Variants in MCTP1 observed in about 807,000 individuals in gnomAD.
The protein encoded by MCTP1 is multiple C2 and transmembrane domain containing 1, also known as multiple C2 and transmembrane domain-containing protein 1.
Under a neutral mutation model 120.6 loss-of-function variants are expected in MCTP1, and 69 were observed. The ratio of observed to expected loss-of-function variants is 0.57; its 90% CI spans 0.47 to 0.70. The LOEUF is 0.70. Ranked by LOEUF, MCTP1 falls within the 30% of genes least tolerant of loss-of-function variation. MCTP1 has a pLI of 0.00. For missense variants in MCTP1, 1,203 were observed against 1,248.8 expected, an observed-to-expected ratio of 0.96 and a Z score of 0.55; for synonymous variants, 529 against 493.1, an observed-to-expected ratio of 1.07 and a Z score of -0.96.
intron 17 of MCTP1, among the ~76,000 whole-genome samples, chr5:94,801,746 T>C (rs1781283837): frequency 6.6e-6 from 1 of 152,192 alleles, no homozygotes; most frequent in Non-Finnish European, 1.5e-5. Flanking sequence ...TGTCCATGGA[T>C]TGGTGTTAGC....
intron 18 of MCTP1, among the ~76,000 whole-genome samples, chr5:94,795,284 C>T (rs567598041): frequency 2.6e-5 from 4 of 152,226 alleles, no homozygotes; most frequent in African/African-American, 9.6e-5. Flanking sequence ...GCAGGTCACT[C>T]GACTTAGGAG....
chr5:94,722,043 G>A (rs1216498387), intron 19 of MCTP1, among the ~76,000 whole-genome samples: 2 of 152,050 alleles, frequency 1.3e-5, no homozygotes, highest in African/African-American at 2.4e-5. Context: ...AACTGTAAAA[G>A]TTGAAGTACA....
chr5:95,221,032 A>T (rs1000196940), intron 1 of MCTP1, among the ~76,000 whole-genome samples: 1 of 152,234 alleles, frequency 6.6e-6, no homozygotes, highest in Non-Finnish European at 1.5e-5. Context: ...TTCTAACATT[A>T]TGGGAAAAAG....
At chr5:94,758,561 A>G (rs757227700) in intron 19 of MCTP1, among the ~76,000 whole-genome samples, 1 of 152,240 alleles carries the variant, frequency 6.6e-6, no homozygotes, top group Non-Finnish European at 1.5e-5. Flanking sequence ...GTCAACTCTT[A>G]CAAGACAAAA....
chr5:95,072,995 T>C (rs1399058203), intron 1 of MCTP1, among the ~76,000 whole-genome samples: 1 of 152,120 alleles, frequency 6.6e-6, no homozygotes, highest in African/African-American at 2.4e-5. Context: ...TCCGTTCGCC[T>C]TGGCCTCCCA....
intron 1 of MCTP1, among the ~76,000 whole-genome samples, chr5:95,155,233 G>A (rs943027166): frequency 2.6e-5 from 4 of 152,136 alleles, no homozygotes; most frequent in African/African-American, 9.7e-5. Flanking sequence ...CACAGGCAAG[G>A]AGATGTTGAA....
At chr5:94,759,822 T>C (rs1182447472) in intron 19 of MCTP1, among the ~76,000 whole-genome samples, 1 of 151,350 alleles carries the variant, frequency 6.6e-6, no homozygotes, top group Non-Finnish European at 1.5e-5. Flanking sequence ...AAGTCATTAG[T>C]TCTCCTAATA....
chr5:94,929,392 G>C (rs772516584), intron 6 of MCTP1, among the ~76,000 whole-genome samples: 12 of 152,122 alleles, frequency 7.9e-5, no homozygotes, highest in Non-Finnish European at 1.3e-4. Flanking sequence ...AGAAGAAAAT[G>C]ATCTGTGTTT....
chr5:94,992,028 A>G (rs1831661310), intron 2 of MCTP1, among the ~76,000 whole-genome samples: 1 of 152,198 alleles, frequency 6.6e-6, no homozygotes, highest in South Asian at 2.1e-4. Context: ...GTTGTGTTGG[A>G]GTGATACAAA....
chr5:94,946,434 A>T (rs1463291301), intron 3 of MCTP1, among the ~76,000 whole-genome samples: 1 of 152,178 alleles, frequency 6.6e-6, no homozygotes, highest in Non-Finnish European at 1.5e-5. Flanking sequence ...GTCAGTGTCC[A>T]TGGAACCATA....
Position 94,871,323 on chromosome 5 carries a change from A to G in MCTP1, c.2131T>C (p.Leu711=). ...ADFLGKVAIP[L]LSIQNGEQKA... Reference sequence around the variant, plus strand: ...AGGTGAATAAAACTTACAGACAGCAATGGTATAGCAACTTTGCCCAGAAAG... The same window carrying G: ...AGGTGAATAAAACTTACAGACAGCAGTGGTATAGCAACTTTGCCCAGAAAG... Residue 711 remains leucine, a synonymous_variant, in exon 14 of 23, where the codon TTG becomes CTG. Coordinates refer to ENST00000515393, the MANE Select transcript of MCTP1 (RefSeq NM_024717.7). The G allele has an allele frequency of 6.2e-7, 1 of 1,600,916 alleles. No homozygotes were observed. Among genetic ancestry groups the G allele is most frequent in the Non-Finnish European group, 8.6e-7 (1 of 1,168,334 alleles).
intron 2 of MCTP1, among the ~76,000 whole-genome samples, chr5:94,953,802 T>TGC (rs1332803420): frequency 1.7e-5 from 2 of 118,326 alleles, no homozygotes; most frequent in Admixed American, 9.8e-5. Flanking sequence ...GGCATATATA[T>TGC]ACATATATAT....
intron 1 of MCTP1, among the ~76,000 whole-genome samples, chr5:95,086,044 TATTTA>T (rs895575967): frequency 6.6e-6 from 1 of 152,168 alleles, no homozygotes; most frequent in African/African-American, 2.4e-5. Context: ...TGCTGTTTTT[TATTTA>T]ATTTGTGGTT....
At chr5:94,912,295 T>C (rs1808834960) in intron 9 of MCTP1, among the ~76,000 whole-genome samples, 1 of 151,400 alleles carries the variant, frequency 6.6e-6, no homozygotes, top group African/African-American at 2.4e-5. Flanking sequence ...CATGGTGGTA[T>C]GCACCTGTAG....
intron 2 of MCTP1, among the ~76,000 whole-genome samples, chr5:95,013,822 T>TTA (rs1206400650): frequency 2.0e-5 from 3 of 152,120 alleles, no homozygotes; most frequent in Non-Finnish European, 2.9e-5. Context: ...AGCCCATCGA[T>TTA]CAAGGAGTAA....
chr5:94,852,403 G>A (rs1486587850), intron 17 of MCTP1, among the ~76,000 whole-genome samples: 1 of 151,846 alleles, frequency 6.6e-6, no homozygotes, highest in Non-Finnish European at 1.5e-5. Context: ...AAATTCATGT[G>A]TAGCCCTTAA....
intron 1 of MCTP1, among the ~76,000 whole-genome samples, chr5:95,108,833 A>G (rs892979088): frequency 1.3e-5 from 2 of 152,236 alleles, no homozygotes; most frequent in African/African-American, 2.4e-5. Context: ...ACACAGCCTT[A>G]AAAGGATGAA....
At chr5:95,069,206 C>T (rs980453977) in intron 1 of MCTP1, among the ~76,000 whole-genome samples, 5 of 152,160 alleles carry the variant, frequency 3.3e-5, no homozygotes, top group African/African-American at 2.4e-5. Context: ...GCTGCAAGGA[C>T]TGTCAAATTA....
intron 1 of MCTP1, among the ~76,000 whole-genome samples, chr5:95,232,050 T>C (rs1361324282): frequency 6.6e-6 from 1 of 151,264 alleles, no homozygotes; most frequent in African/African-American, 2.4e-5. Context: ...ACTCACTAGA[T>C]GCCAGCAGCA....
Sources: gnomAD v4.1 joint callset for allele counts (sites outside exome capture counted in the v4.1 genomes callset) on GRCh38, gnomAD v4.1.1 for gene constraint, MANE v1.5 for transcripts, NCBI Gene and HGNC (gene_info 2026-07-23, HGNC 2026-07-21) for gene names.